The following TRPM3 variants were observed in gnomAD, a reference collection of about 807,000 sequenced individuals.
The protein encoded by TRPM3 is transient receptor potential cation channel subfamily M member 3.
A neutral mutation model predicts 181.2 loss-of-function variants in TRPM3; 77 were observed. The ratio of observed to expected loss-of-function variants is 0.42; its 90% confidence interval spans 0.35 to 0.51. TRPM3 has a LOEUF of 0.51. TRPM3 is among the 20% of genes least tolerant of loss of function. TRPM3 has a pLI of 0.01. For synonymous variants in TRPM3, 745 were observed against 796.4 expected (o/e 0.94, Z 1.09); for missense variants, 1,759 against 2,196.7 (o/e 0.80, Z 3.98).
rs1202324248 is a variant in TRPM3 at position 70,620,558 on chromosome 9, A to G, written c.1840-193T>C. ...AACAAGTGATGATAAATGCATAAGCACAGTGCTGAGGGAACATGTCAGTGT... is the reference window on the plus strand; with the variant it reads ...AACAAGTGATGATAAATGCATAAGCGCAGTGCTGAGGGAACATGTCAGTGT... On this transcript the variant is annotated intron_variant, in intron 15 of 25. Coordinates refer to ENST00000677713, the MANE Select transcript of TRPM3 (RefSeq NM_001366145.2). Among the ~76,000 whole-genome samples the G allele has an allele frequency of 7.9e-5, 12 of 152,384 alleles. No individual in the cohort carries two copies. The South Asian group carries it at 2.5e-3, about 32-fold the overall frequency.
chr9:71,248,192 A>G (rs1295255449), intron 1 of TRPM3, among the ~76,000 whole-genome samples: 1 of 152,226 alleles, frequency 6.6e-6, no homozygotes, highest in Non-Finnish European at 1.5e-5. Flanking sequence ...TTTCCTTTGG[A>G]AAATTCTCCC....
At chr9:70,578,071 A>G (rs1381525608) in intron 22 of TRPM3, among the ~76,000 whole-genome samples, 2 of 152,200 alleles carry the variant, frequency 1.3e-5, no homozygotes, top group Non-Finnish European at 2.9e-5. Flanking sequence ...TCAACTCAGG[A>G]GAGAGTCACT....
At chr9:70,649,835 T>C (rs909054182) in intron 9 of TRPM3, among the ~76,000 whole-genome samples, 1 of 152,212 alleles carries the variant, frequency 6.6e-6, no homozygotes, top group Admixed American at 6.5e-5. Flanking sequence ...AATATTAATT[T>C]TTCTACCATA....
intron 24 of TRPM3, 58 bp downstream of exon 24, chr9:70,552,786 T>C: frequency 1.9e-6 from 3 of 1,580,678 alleles, no homozygotes; most frequent in Non-Finnish European, 2.6e-6. Context: ...CGTGATTGCC[T>C]ATAGGAAGTG....
At chr9:71,288,236 C>G (rs1047801447) in intron 1 of TRPM3, among the ~76,000 whole-genome samples, 23 of 151,402 alleles carry the variant, frequency 1.5e-4, no homozygotes, top group African/African-American at 5.1e-4. Context: ...ACAAAAGATA[C>G]CTTAGTGAAT....
intron 1 of TRPM3, among the ~76,000 whole-genome samples, chr9:71,401,529 A>G (rs928532025): frequency 9.2e-5 from 14 of 152,238 alleles, no homozygotes; most frequent in African/African-American, 1.7e-4. Context: ...ACAGAATGAG[A>G]TTAGATTTCA....
intron 1 of TRPM3, among the ~76,000 whole-genome samples, chr9:71,361,029 T>C (rs757118541): frequency 2.0e-4 from 31 of 152,174 alleles, no homozygotes; most frequent in South Asian, 6.2e-4. Flanking sequence ...CCTTGTGGCC[T>C]AGGCTGGAGT....
intron 1 of TRPM3, among the ~76,000 whole-genome samples, chr9:70,977,304 T>C (rs2097313889): frequency 6.6e-6 from 1 of 152,096 alleles, no homozygotes; most frequent in Non-Finnish European, 1.5e-5. Flanking sequence ...CCGGCTAATT[T>C]TTTGTATTTT....
At chr9:70,751,317 C>A (rs1160562212) in intron 8 of TRPM3, among the ~76,000 whole-genome samples, 1 of 152,010 alleles carries the variant, frequency 6.6e-6, no homozygotes, top group Admixed American at 6.6e-5. Flanking sequence ...CAAGACAAAG[C>A]ATTGTCAGGA....
chr9:71,247,553 G>T (rs1417491837), intron 1 of TRPM3, among the ~76,000 whole-genome samples: 2 of 151,906 alleles, frequency 1.3e-5, no homozygotes, highest in Admixed American at 1.3e-4. Flanking sequence ...ATACCAGGGG[G>T]GAATTTGCAC....
At chr9:70,777,865 T>C (rs1344067961) in intron 7 of TRPM3, among the ~76,000 whole-genome samples, 1 of 152,140 alleles carries the variant, frequency 6.6e-6, no homozygotes, top group Non-Finnish European at 1.5e-5. Context: ...AAGTCTTCAC[T>C]TAAATTTTAA....
intron 1 of TRPM3, among the ~76,000 whole-genome samples, chr9:71,266,399 A>C (rs995192657): frequency 6.6e-6 from 1 of 152,092 alleles, no homozygotes; most frequent in African/African-American, 2.4e-5. Flanking sequence ...TTTAAAAAAT[A>C]GTTGGTGCAT....
chr9:71,198,595 G>A (rs1299192439), intron 1 of TRPM3, among the ~76,000 whole-genome samples: 2 of 151,770 alleles, frequency 1.3e-5, no homozygotes, highest in Non-Finnish European at 1.5e-5. Context: ...CACATCCCTT[G>A]TAAGTTGGAT....
Position 71,214,423 on chromosome 9 carries a change from C to T in TRPM3, c.183+232230G>A, listed in dbSNP as rs1025060877. ...TCTGCTTAAGAGTAATGAAAACATA[C>T]GCCCACACAAAGACTTGCATTCAAA... On this transcript the variant is annotated intron_variant, in intron 1 of 24. Transcript: ENST00000357533. Among the ~76,000 whole-genome samples, 23 of 152,236 alleles carry T rather than the reference C, an allele frequency of 1.5e-4. No individual in the cohort carries two copies. In the East Asian group the frequency reaches 1.5e-3, roughly 10 times the overall value.
intron 1 of TRPM3, among the ~76,000 whole-genome samples, chr9:71,342,128 T>C (rs2091001350): frequency 6.0e-5 from 9 of 151,164 alleles, no homozygotes; most frequent in Admixed American, 5.9e-4. Context: ...TTGGCCAGGC[T>C]GTGGGGAAAC....
At chr9:71,249,459 G>A (rs956728597) in intron 1 of TRPM3, among the ~76,000 whole-genome samples, 3 of 152,000 alleles carry the variant, frequency 2.0e-5, no homozygotes, top group African/African-American at 7.2e-5. Flanking sequence ...GTTCCTATTT[G>A]GAATCATAAT....
chr9:71,413,139 CTAATG>C (rs2093585640), intron 1 of TRPM3, among the ~76,000 whole-genome samples: 1 of 152,036 alleles, frequency 6.6e-6, no homozygotes, highest in South Asian at 2.1e-4. Context: ...GGAGAAATAC[CTAATG>C]TAAGTGACGA....
chr9:70,817,453 CAT>C (rs2092796030), intron 6 of TRPM3, among the ~76,000 whole-genome samples: 1 of 152,166 alleles, frequency 6.6e-6, no homozygotes, highest in Non-Finnish European at 1.5e-5. Flanking sequence ...TTCAGAGTAA[CAT>C]ATGAATAGGA....
chr9:70,977,369 C>T (rs1050783931), intron 1 of TRPM3, among the ~76,000 whole-genome samples: 1 of 152,174 alleles, frequency 6.6e-6, no homozygotes, highest in Non-Finnish European at 1.5e-5. Context: ...CTCCTGACCT[C>T]GTGATCCCCC....
Sources: allele counts gnomAD v4.1 joint callset (sites outside exome capture counted in the v4.1 genomes callset), GRCh38; gene constraint gnomAD v4.1.1; transcripts MANE v1.5; gene names NCBI Gene and HGNC (gene_info 2026-07-23, HGNC 2026-07-21).